Variants in RAI1 observed in about 807,000 individuals in gnomAD.
RAI1 encodes retinoic acid induced 1, also known as retinoic acid-induced protein 1.
A neutral mutation model predicts 123.8 loss-of-function variants in RAI1; 9 were observed. The observed-to-expected ratio is 0.07, with a 90% CI of 0.04 to 0.13. The LOEUF (loss-of-function observed/expected upper bound fraction) is 0.13, where lower values mean the gene tolerates loss of function less well. RAI1 is among the 10% of genes least tolerant of loss of function. The pLI, the probability that RAI1 is intolerant of heterozygous loss-of-function variation, is 1.00. For missense variants in RAI1, 2,256 were observed against 2,545.8 expected (o/e 0.89, Z 2.45); for synonymous variants, 1,231 against 1,127.3 (o/e 1.09, Z -1.84).
rs189237053 is a variant in RAI1 at position 17,685,209 on chromosome 17, G to A, written c.-149+3416G>A. ...AGGAGGTGCAACAGCAACGGTGTGCGCAGAGCAGCGTCTCTGCGGGAGAGG... is the reference window on the plus strand; with the variant it reads ...AGGAGGTGCAACAGCAACGGTGTGCACAGAGCAGCGTCTCTGCGGGAGAGG... On this transcript the variant is annotated intron_variant, in intron 1 of 5. Coordinates refer to ENST00000353383, the MANE Select transcript of RAI1 (RefSeq NM_030665.4). The surrounding 1 kb of genome is among the most constrained non-coding windows in gnomAD (Gnocchi z 4.0). Among the ~76,000 whole-genome samples, 46 of 152,346 alleles carry A rather than the reference G, an allele frequency of 3.0e-4. No homozygotes were observed. In the East Asian group the frequency reaches 5.0e-3, roughly 17 times the overall value.
In RAI1 at chr17:17,701,526, C is replaced by A. The variant is rs530447915; in HGVS notation, c.-149+19733C>A. The stretch of plus-strand genomic sequence containing the variant: ...AAAACGGAAGAGGGAATAGACAGAC[C>A]GCTCATGCAGTTTTTAGATGGTCCC... On this transcript the variant is annotated intron_variant, in intron 1 of 5. Coordinates refer to ENST00000353383, the MANE Select transcript of RAI1 (RefSeq NM_030665.4). Among the ~76,000 whole-genome samples the A allele has an allele frequency of 9.9e-5, 15 of 152,240 alleles. No homozygotes were observed. The South Asian group carries it at 2.9e-3, about 29-fold the overall frequency.
chr17:17,801,073 G>C lies in RAI1; in HGVS notation c.5565+2560G>C. 6.6e-6 allele frequency among the ~76,000 whole-genome samples: 1 copy of C among 152,236 alleles called. No individual in the cohort carries two copies. Among genetic ancestry groups the C allele is most frequent in the East Asian group, 1.9e-4 (1 of 5,184 alleles). On this transcript the variant is annotated intron_variant, in intron 3 of 5. Transcript: ENST00000353383. This position sits in a 1 kb window ranked among gnomAD's most constrained non-coding sequence, Gnocchi z 4.1. ...CTCGGTACCTTGACCTCACTTTTGCGCTCTGGAGGGCAGAACCTCTGAGCC... is the reference window on the plus strand; with the variant it reads ...CTCGGTACCTTGACCTCACTTTTGCCCTCTGGAGGGCAGAACCTCTGAGCC...
Position 17,795,705 on chromosome 17 carries a change from C to G in RAI1, c.2757C>G (p.His919Gln). 1 of 1,613,388 alleles carries G rather than the reference C, an allele frequency of 6.2e-7. No individual in the cohort carries two copies. The highest frequency in any genetic ancestry group is 8.5e-7 in the Non-Finnish European group (1 of 1,180,030). Reference sequence around the variant, plus strand: ...AGGCCGGCTGGGGCTCTCCGTGCCACCTCTCAGGGGAGTCCGTCATCCTGC... The same window carrying G: ...AGGCCGGCTGGGGCTCTCCGTGCCAGCTCTCAGGGGAGTCCGTCATCCTGC... ...DSKAGWGSPC[H>Q]LSGESVILLG... Residue 919 changes from histidine to glutamine, a missense_variant, in exon 3 of 6, where the codon CAC (histidine) becomes CAG (glutamine). Transcript: ENST00000353383. This position sits in a 1 kb window ranked among gnomAD's most constrained non-coding sequence, Gnocchi z 5.9.
At chr17:17,757,826 G>C (rs1225954313) in intron 2 of RAI1, among the ~76,000 whole-genome samples, 1 of 152,220 alleles carries the variant, frequency 6.6e-6, no homozygotes, top group African/African-American at 2.4e-5. Flanking sequence ...GCCGGGGCGG[G>C]AGAGGCTGAG....
chr17:17,807,538 C>T (rs771449699), intron 4 of RAI1, among the ~76,000 whole-genome samples: 2 of 152,248 alleles, frequency 1.3e-5, no homozygotes, highest in African/African-American at 2.4e-5. Flanking sequence ...TTTCCCCACT[C>T]AGGCCCTGGG....
Position 17,809,027 on chromosome 17 carries a change from A to G in RAI1, c.5660-363A>G, listed in dbSNP as rs2032651976. The G allele has an allele frequency of 8.4e-6, 3 of 356,932 alleles. No individual in the cohort carries two copies. The highest frequency in any genetic ancestry group is 1.1e-5 in the Non-Finnish European group (2 of 185,996). The allele number at this position is 356,932 out of a possible 1,614,324, so 22.1% of individuals were successfully genotyped here. On this transcript the variant is annotated intron_variant, in intron 4 of 5. Coordinates refer to ENST00000353383, the MANE Select transcript of RAI1 (RefSeq NM_030665.4). This position sits in a 1 kb window ranked among gnomAD's most constrained non-coding sequence, Gnocchi z 4.9. Reference sequence around the variant, plus strand: ...TGGGGAAGAAACAAGGAGCAAGACAAGATCACACAGGCCAGTCTCTTAGGA... The same window carrying G: ...TGGGGAAGAAACAAGGAGCAAGACAGGATCACACAGGCCAGTCTCTTAGGA...
chr17:17,791,934 C>T (rs1449651067), intron 2 of RAI1, among the ~76,000 whole-genome samples: 2 of 152,194 alleles, frequency 1.3e-5, no homozygotes, highest in African/African-American at 4.8e-5. Context: ...GCCCCATCCC[C>T]TAAAATCATA....
At chr17:17,696,494 C>T (rs962045151) in intron 1 of RAI1, among the ~76,000 whole-genome samples, 4 of 152,156 alleles carry the variant, frequency 2.6e-5, no homozygotes, top group Admixed American at 6.5e-5. Flanking sequence ...GTTGATATTC[C>T]GCTTTTCTTA....
Position 17,795,044 on chromosome 17 carries a change from C to A in RAI1, c.2096C>A (p.Pro699His), listed in dbSNP as rs1249161950. 1 of 1,614,150 alleles carries A rather than the reference C, an allele frequency of 6.2e-7. No individual in the cohort carries two copies. The highest frequency in any genetic ancestry group is 2.2e-5 in the East Asian group (1 of 44,878). ...DPSVAFATPD[P>H]KKTTGPLSFG... The stretch of plus-strand genomic sequence containing the variant: ...TCCGTGGCCTTCGCTACGCCTGACC[C>A]CAAAAAGACAACTGGTCCTCTCTCC... Residue 699 changes from proline to histidine, a missense_variant, in exon 3 of 6, where the codon CCC becomes CAC. By Grantham distance (77) the Pro-to-His change is moderately conservative. This residue lies in a region of RAI1 where 566 missense variants were observed against 616.0 expected (regional missense o/e 0.92). Coordinates refer to ENST00000353383, the MANE Select transcript of RAI1 (RefSeq NM_030665.4). The surrounding 1 kb of genome is among the most constrained non-coding windows in gnomAD (Gnocchi z 5.9).
At chr17:17,783,955 G>A (rs2031724361) in intron 2 of RAI1, among the ~76,000 whole-genome samples, 1 of 152,146 alleles carries the variant, frequency 6.6e-6, no homozygotes, top group South Asian at 2.1e-4. Flanking sequence ...CAGCTGACTT[G>A]GACGAAGCAA....
At chr17:17,805,482 G>GC (rs543315465) in intron 4 of RAI1, among the ~76,000 whole-genome samples, 257 of 152,112 alleles carry the variant, frequency 1.7e-3, no homozygotes, top group Middle Eastern at 6.8e-3. Context: ...CAGAGTCCAG[G>GC]CCCCCCCAGG....
In RAI1 at chr17:17,810,513, C is replaced by CT; in HGVS notation, c.*535dup. On this transcript the variant is annotated 3_prime_UTR_variant, in exon 6 of 6. Transcript: ENST00000353383. The surrounding 1 kb of genome is among the most constrained non-coding windows in gnomAD (Gnocchi z 4.6). ...GGACTAGGCGGGGGAGAAAGGAAGC[C>CT]TTTCTGAGAGCGGGCTAGGCCGGCA... is the stretch of plus-strand genomic sequence containing the variant. 3.7e-6 allele frequency: 1 copy of CT among 267,060 alleles called. No individual in the cohort carries two copies. The highest frequency in any genetic ancestry group is 3.2e-5 in the South Asian group (1 of 31,432). The allele number at this position is 267,060 out of a possible 1,614,324, so 16.5% of individuals were successfully genotyped here.
intron 2 of RAI1, among the ~76,000 whole-genome samples, chr17:17,783,361 C>CGGCGT (rs941969009): frequency 2.6e-4 from 40 of 152,038 alleles, no homozygotes; most frequent in Non-Finnish European, 3.5e-4. Flanking sequence ...GGCGGCGGCG[C>CGGCGT]GGCGTCTTTG....
chr17:17,747,001 C>A (rs139010500), intron 2 of RAI1, among the ~76,000 whole-genome samples: 1 of 152,164 alleles, frequency 6.6e-6, no homozygotes, highest in South Asian at 2.1e-4. Context: ...TTGAAAGATA[C>A]GGCTGCCAAA....
chr17:17,783,152 A>T (rs1049594904), intron 2 of RAI1, among the ~76,000 whole-genome samples: 15 of 152,216 alleles, frequency 9.9e-5, no homozygotes, highest in East Asian at 9.7e-4. Flanking sequence ...TGGCGAGTGC[A>T]GCGCCCCCTT....
intron 2 of RAI1, among the ~76,000 whole-genome samples, chr17:17,772,678 A>G (rs1433556053): frequency 6.6e-6 from 1 of 151,944 alleles, no homozygotes; most frequent in African/African-American, 2.4e-5. Flanking sequence ...CACATCCCCT[A>G]GGTCTCAGGT....
rs61999281 is a variant in RAI1, at chr17:17,793,212, G to A, written c.264G>A (p.Gln88=). Residue 88 remains glutamine (Q), a synonymous_variant, in exon 3 of 6, where the codon CAG becomes CAA. Coordinates refer to ENST00000353383, the MANE Select transcript of RAI1 (RefSeq NM_030665.4). ...GAGGCAGCAAGGCCCTGCCCACACAGCAAGGCCTGCAGGGGAGGCCGGCTT... is the reference window on the plus strand; with the variant it reads ...GAGGCAGCAAGGCCCTGCCCACACAACAAGGCCTGCAGGGGAGGCCGGCTT... The part of the protein sequence containing the change: ...YHRGSKALPT[Q]QGLQGRPAFP... 3.6e-3 allele frequency: 5,811 copies of A among 1,612,076 alleles called. 178 individuals carry two copies. In the African/African-American group the frequency reaches 0.068, roughly 19 times the overall value.
intron 2 of RAI1, among the ~76,000 whole-genome samples, chr17:17,761,477 T>G (rs1303847172): frequency 6.6e-6 from 1 of 152,140 alleles, no homozygotes; most frequent in Non-Finnish European, 1.5e-5. Flanking sequence ...CTGACAGCTG[T>G]GGATCCTGAC....
Position 17,799,576 on chromosome 17 carries a change from G to T in RAI1, c.5565+1063G>T, listed in dbSNP as rs76375046. Reference sequence around the variant, plus strand: ...CTGTGTGGTGGCTCTCAGTGGGGACGCCTGCAGCCTTCTCTGGCCCCTGCC... The same window carrying T: ...CTGTGTGGTGGCTCTCAGTGGGGACTCCTGCAGCCTTCTCTGGCCCCTGCC... On this transcript the variant is annotated intron_variant, in intron 3 of 5. Coordinates refer to ENST00000353383, the MANE Select transcript of RAI1 (RefSeq NM_030665.4). This position sits in a 1 kb window ranked among gnomAD's most constrained non-coding sequence, Gnocchi z 4.5. Among the ~76,000 whole-genome samples the T allele has an allele frequency of 1.5e-4, 23 of 152,248 alleles. No homozygotes were observed. In the East Asian group the frequency reaches 4.1e-3, roughly 27 times the overall value.
Sources: allele counts gnomAD v4.1 joint callset (sites outside exome capture counted in the v4.1 genomes callset), GRCh38; gene constraint gnomAD v4.1.1; regional missense constraint gnomAD v4.1.1; non-coding constraint Gnocchi (gnomAD v3.1); transcripts MANE v1.5; gene names NCBI Gene and HGNC (gene_info 2026-07-23, HGNC 2026-07-21).